The following ELMO1 variants were observed in gnomAD, a reference collection of about 807,000 sequenced individuals.
The protein encoded by ELMO1 is engulfment and cell motility 1, also known as engulfment and cell motility protein 1.
Under a neutral mutation model 98.9 loss-of-function variants are expected in ELMO1, and 26 were observed. The ratio of observed to expected loss-of-function variants is 0.26; its 90% CI spans 0.19 to 0.36. The LOEUF (loss-of-function observed/expected upper bound fraction) is 0.36. Among genes scored for constraint, ELMO1 ranks in the 10% least tolerant of loss-of-function variants. The probability of loss-of-function intolerance (pLI) is 1.00; values close to 1 mark genes in which losing one functional copy is unlikely to be tolerated. For missense variants in ELMO1, 627 were observed against 935.2 expected, an observed-to-expected ratio of 0.67 and a Z score of 4.30; for synonymous variants, 346 against 346.0, an observed-to-expected ratio of 1.00 and a Z score of 0.00.
chr7:36,885,426 A>C (rs1804887520), intron 18 of ELMO1, among the ~76,000 whole-genome samples: 1 of 152,172 alleles, frequency 6.6e-6, no homozygotes, highest in South Asian at 2.1e-4. Context: ...CAACCTAGTC[A>C]GGGAAGTCTC....
chr7:36,921,684 G>A (rs1316202367), intron 16 of ELMO1, among the ~76,000 whole-genome samples: 3 of 152,106 alleles, frequency 2.0e-5, no homozygotes, highest in African/African-American at 2.4e-5. Flanking sequence ...AGAACTCCTC[G>A]TTTTCCGCAC....
chr7:36,916,829 C>T (rs1784725928), intron 16 of ELMO1, among the ~76,000 whole-genome samples: 1 of 152,202 alleles, frequency 6.6e-6, no homozygotes, highest in Non-Finnish European at 1.5e-5. Context: ...TGACATCAGC[C>T]TCACATTTTC....
intron 15 of ELMO1, among the ~76,000 whole-genome samples, chr7:37,052,305 A>C (rs1159666947): frequency 6.6e-6 from 1 of 152,186 alleles, no homozygotes; most frequent in Non-Finnish European, 1.5e-5. Context: ...GGTGACATTT[A>C]CTCAAAGCTA....
intron 15 of ELMO1, among the ~76,000 whole-genome samples, chr7:37,034,750 T>C (rs531549899): frequency 3.9e-5 from 6 of 152,282 alleles, no homozygotes; most frequent in Admixed American, 2.6e-4. Context: ...TTTGAACTTA[T>C]GGGGTTCTGG....
chr7:37,422,282 G>A (rs1422965715), intron 1 of ELMO1, among the ~76,000 whole-genome samples: 2 of 152,172 alleles, frequency 1.3e-5, no homozygotes, highest in African/African-American at 2.4e-5. Flanking sequence ...ATGAGCCTGC[G>A]TTATTCATCA....
At chr7:36,883,358 G>A (rs1462721244) in intron 18 of ELMO1, among the ~76,000 whole-genome samples, 2 of 152,216 alleles carry the variant, frequency 1.3e-5, no homozygotes, top group Non-Finnish European at 1.5e-5. Flanking sequence ...GAAGTAGGGG[G>A]CAGTTCTTGA....
chr7:37,347,431 A>T (rs1277154709), intron 1 of ELMO1, among the ~76,000 whole-genome samples: 2 of 151,894 alleles, frequency 1.3e-5, no homozygotes, highest in Non-Finnish European at 2.9e-5. Context: ...AAATTTTCAC[A>T]TGTTGTAGAA....
chr7:37,211,721 G>C (rs548520782), intron 12 of ELMO1, among the ~76,000 whole-genome samples: 1 of 152,306 alleles, frequency 6.6e-6, no homozygotes, highest in South Asian at 2.1e-4. Flanking sequence ...GGTCAGGCCT[G>C]GCTGTATTCC....
At chr7:37,161,152 G>A (rs749563045) in intron 13 of ELMO1, among the ~76,000 whole-genome samples, 25 of 152,252 alleles carry the variant, frequency 1.6e-4, no homozygotes, top group Non-Finnish European at 2.4e-4. Flanking sequence ...CTGGAGTGGC[G>A]TCAGCATTCT....
chr7:37,281,943 G>T (rs1260475286), intron 4 of ELMO1, among the ~76,000 whole-genome samples: 1 of 152,268 alleles, frequency 6.6e-6, no homozygotes, highest in East Asian at 1.9e-4. Context: ...ATAGCCAGCA[G>T]TTCCAGACTG....
chr7:37,304,364 C>CGTGT (rs1003934541), intron 4 of ELMO1, among the ~76,000 whole-genome samples: 16 of 151,400 alleles, frequency 1.1e-4, no homozygotes, highest in Admixed American at 8.6e-4. Context: ...TGTGTGTGTG[C>CGTGT]GTGTGTGTGT....
At chr7:37,262,669 C>T (rs1423590580) in intron 5 of ELMO1, among the ~76,000 whole-genome samples, 1 of 152,154 alleles carries the variant, frequency 6.6e-6, no homozygotes, top group African/African-American at 2.4e-5. Context: ...CATCCTAGGA[C>T]ATAGGTGAAC....
chr7:37,196,451 C>A (rs1308444600), intron 13 of ELMO1, among the ~76,000 whole-genome samples: 1 of 152,154 alleles, frequency 6.6e-6, no homozygotes, highest in Non-Finnish European at 1.5e-5. Flanking sequence ...AAGGACGATG[C>A]TCTGTGCATG....
At chr7:36,898,819 G>A (rs928973463) in intron 16 of ELMO1, among the ~76,000 whole-genome samples, 2 of 152,224 alleles carry the variant, frequency 1.3e-5, no homozygotes, top group African/African-American at 4.8e-5. Flanking sequence ...TGGAGGCCCT[G>A]TGCCGGATGA....
chr7:37,188,775 G>A (rs990645098), intron 13 of ELMO1, among the ~76,000 whole-genome samples: 49 of 152,050 alleles, frequency 3.2e-4, no homozygotes, highest in African/African-American at 1.1e-3. Context: ...ACAACCCAAC[G>A]ACCACTAAAT....
chr7:36,892,978 T>A (rs772188075), intron 17 of ELMO1, among the ~76,000 whole-genome samples: 17 of 150,518 alleles, frequency 1.1e-4, no homozygotes, highest in Non-Finnish European at 1.9e-4. Context: ...AACTTCAGAA[T>A]GTCACAGGCA....
At chr7:37,029,657 A>T (rs1431983263) in intron 15 of ELMO1, among the ~76,000 whole-genome samples, 1 of 152,182 alleles carries the variant, frequency 6.6e-6, no homozygotes, top group African/African-American at 2.4e-5. Context: ...TTTGCACCAT[A>T]AAAATGCCCT....
At chr7:37,254,498 T>A (rs188604673) in intron 6 of ELMO1, among the ~76,000 whole-genome samples, 2 of 152,296 alleles carry the variant, frequency 1.3e-5, no homozygotes, top group Admixed American at 1.3e-4. Flanking sequence ...CAAACATACA[T>A]GGTATAGCCT....
chr7:36,949,276 A>G (rs533891369), intron 16 of ELMO1, among the ~76,000 whole-genome samples: 4 of 152,314 alleles, frequency 2.6e-5, no homozygotes, highest in African/African-American at 7.2e-5. Flanking sequence ...ACCACTTCTT[A>G]TTCCACTGTG....
Sources: allele counts gnomAD v4.1 joint callset (sites outside exome capture counted in the v4.1 genomes callset), GRCh38; gene constraint gnomAD v4.1.1; transcripts MANE v1.5; gene names NCBI Gene and HGNC (gene_info 2026-07-23, HGNC 2026-07-21).